The following ERCC6L2 variants were observed in gnomAD, a reference collection of about 807,000 sequenced individuals.
ERCC6L2 encodes the protein ERCC excision repair 6 like 2, also known as DNA excision repair protein ERCC-6-like 2.
Under a neutral mutation model 132.0 loss-of-function variants are expected in ERCC6L2, and 77 were observed. The ratio of observed to expected loss-of-function variants is 0.58; its 90% CI spans 0.49 to 0.71. The LOEUF (loss-of-function observed/expected upper bound fraction) is 0.71, where lower values mean the gene tolerates loss of function less well. Among genes scored for constraint, ERCC6L2 ranks in the 30% least tolerant of loss-of-function variants. ERCC6L2 has a pLI of 0.00. For missense variants in ERCC6L2, 1,542 were observed against 1,837.6 expected (o/e 0.84, Z 2.94); for synonymous variants, 583 against 632.4 (o/e 0.92, Z 1.17).
chr9:95,883,144 A>G (rs12685807), intron 2 of ERCC6L2, among the ~76,000 whole-genome samples: 29,171 of 152,090 alleles, frequency 0.19, 2,909 homozygotes, highest in Middle Eastern at 0.28. Context: ...ACCAGATCGT[A>G]GAATTCAGAC....
chr9:95,991,563 T>C (rs1833303845), intron 17 of ERCC6L2, among the ~76,000 whole-genome samples: 1 of 152,190 alleles, frequency 6.6e-6, no homozygotes, highest in Non-Finnish European at 1.5e-5. Context: ...AAAATGAACC[T>C]AGTGAGCATG....
chr9:95,982,350 T>G (rs1234635590), intron 17 of ERCC6L2, among the ~76,000 whole-genome samples: 1 of 152,156 alleles, frequency 6.6e-6, no homozygotes, highest in African/African-American at 2.4e-5. Flanking sequence ...TGTAGATTAC[T>G]TAAAGGATTT....
intron 19 of ERCC6L2, among the ~76,000 whole-genome samples, chr9:96,028,632 C>A (rs1309760636): frequency 6.6e-6 from 1 of 152,176 alleles, no homozygotes; most frequent in Non-Finnish European, 1.5e-5. Context: ...CTGGCTGTTC[C>A]CCTTTTCCTT....
intron 1 of ERCC6L2, among the ~76,000 whole-genome samples, chr9:95,878,748 T>C (rs1827429428): frequency 6.8e-6 from 1 of 147,522 alleles, no homozygotes; most frequent in Admixed American, 7.1e-5. Flanking sequence ...TGAGTGAGAA[T>C]CTGCGGTGTT....
intron 17 of ERCC6L2, among the ~76,000 whole-genome samples, chr9:95,982,036 A>G (rs1363216580): frequency 6.6e-6 from 1 of 152,192 alleles, no homozygotes; most frequent in Non-Finnish European, 1.5e-5. Context: ...GTATCAGACT[A>G]TAAAAGAAGA....
intron 17 of ERCC6L2, among the ~76,000 whole-genome samples, chr9:95,993,237 G>A (rs554001366): frequency 6.6e-6 from 1 of 152,186 alleles, no homozygotes; most frequent in South Asian, 2.1e-4. Context: ...GGCAAAGTAG[G>A]GCCTGGATGC....
intron 15 of ERCC6L2, among the ~76,000 whole-genome samples, chr9:95,971,297 GTATTATCAGATAA>G (rs1832401241): frequency 6.6e-6 from 1 of 152,042 alleles, no homozygotes; most frequent in African/African-American, 2.4e-5. Context: ...ATTGGCAAAA[GTATTATCAGATAA>G]TACTTTCCGC....
intron 2 of ERCC6L2, among the ~76,000 whole-genome samples, chr9:95,882,040 C>T (rs1254111987): frequency 3.3e-5 from 5 of 152,142 alleles, no homozygotes. Context: ...TGGCAGGATT[C>T]AGTTCCTTGT....
chr9:96,031,215 T>G (rs1408464363), intron 19 of ERCC6L2, among the ~76,000 whole-genome samples: 1 of 152,190 alleles, frequency 6.6e-6, no homozygotes, highest in Admixed American at 6.5e-5. Context: ...AGAGAGATCA[T>G]TCAGGAAACA....
chr9:95,992,193 A>G (rs1215858733), intron 17 of ERCC6L2, among the ~76,000 whole-genome samples: 1 of 152,236 alleles, frequency 6.6e-6, no homozygotes, highest in Admixed American at 6.5e-5. Context: ...TTTGGAAAAT[A>G]TAGTTACTTT....
intron 14 of ERCC6L2, chr9:95,967,595 A>C (rs973578836): frequency 1.3e-5 from 2 of 152,204 alleles, no homozygotes; most frequent in Non-Finnish European, 2.9e-5. Flanking sequence ...CAAGTTAAAC[A>C]GTAGACCATG....
At chr9:95,917,208 A>C (rs1041185230) in intron 6 of ERCC6L2, among the ~76,000 whole-genome samples, 3 of 152,328 alleles carry the variant, frequency 2.0e-5, no homozygotes, top group East Asian at 3.9e-4. Flanking sequence ...TACACAACTA[A>C]CCTAACTTTT....
intron 8 of ERCC6L2, 47 bp from the exon 9 acceptor site, chr9:95,923,213 G>T: frequency 6.3e-7 from 1 of 1,594,174 alleles, no homozygotes; most frequent in South Asian, 1.1e-5. Context: ...ATACAGGTTT[G>T]AATGTGTTAA....
intron 12 of ERCC6L2, among the ~76,000 whole-genome samples, chr9:95,950,715 C>A (rs1460125830): frequency 6.6e-6 from 1 of 152,154 alleles, no homozygotes; most frequent in South Asian, 2.1e-4. Context: ...ACAAAATAGA[C>A]TTCAAGTCGA....
chr9:95,939,351 G>C (rs1234570663), intron 11 of ERCC6L2, among the ~76,000 whole-genome samples: 1 of 150,766 alleles, frequency 6.6e-6, no homozygotes, highest in Non-Finnish European at 1.5e-5. Flanking sequence ...GGTAACAGGT[G>C]CTCTTAGTTT....
At chr9:95,876,331 G>A in intron 1 of ERCC6L2, 2 of 446,018 alleles carry the variant, frequency 4.5e-6, no homozygotes, top group Non-Finnish European at 4.0e-6. Context: ...CTTTGGGCAG[G>A]CTCCTCATCT....
intron 2 of ERCC6L2, among the ~76,000 whole-genome samples, chr9:95,897,533 C>T (rs74646218): frequency 3.3e-5 from 5 of 151,882 alleles, no homozygotes; most frequent in South Asian, 2.1e-4. Context: ...ATAGAGGATA[C>T]GAAGAGATAG....
At chr9:95,945,669 G>A (rs1831026030) in intron 12 of ERCC6L2, among the ~76,000 whole-genome samples, 1 of 152,178 alleles carries the variant, frequency 6.6e-6, no homozygotes, top group African/African-American at 2.4e-5. Flanking sequence ...CACAATTTAT[G>A]TTCTTCTGCC....
chr9:95,894,553 T>C (rs1430421931), intron 2 of ERCC6L2, among the ~76,000 whole-genome samples: 1 of 151,578 alleles, frequency 6.6e-6, no homozygotes, highest in African/African-American at 2.4e-5. Flanking sequence ...CTGAAATGTA[T>C]TGAGACTTCT....
Sources: gnomAD v4.1 joint callset for allele counts (sites outside exome capture counted in the v4.1 genomes callset) on GRCh38, gnomAD v4.1.1 for gene constraint, MANE v1.5 for transcripts, NCBI Gene and HGNC (gene_info 2026-07-23, HGNC 2026-07-21) for gene names.